The following ADAM19 variants were observed in gnomAD, a reference collection of about 807,000 sequenced individuals.
ADAM19 encodes ADAM metallopeptidase domain 19.
Under a neutral mutation model 114.7 loss-of-function variants are expected in ADAM19, and 65 were observed. The observed-to-expected ratio is 0.57, with a 90% CI of 0.46 to 0.70. The LOEUF is 0.70. Ranked by LOEUF, ADAM19 falls within the 30% of genes least tolerant of loss-of-function variation. The pLI is 0.00. For synonymous variants in ADAM19, 466 were observed against 460.5 expected (o/e 1.01, Z -0.15); for missense variants, 1,063 against 1,204.7 (o/e 0.88, Z 1.74).
At chr5:157,492,929 C>A in intron 16 of ADAM19, 44 bp downstream of exon 16, 1 of 1,605,718 alleles carries the variant, frequency 6.2e-7, no homozygotes, top group South Asian at 1.1e-5. Flanking sequence ...CTCAATCACT[C>A]TGCTCTGCAG....
chr5:157,502,931 T>C lies in ADAM19; in HGVS notation c.1180A>G (p.Arg394Gly). Residue 394 changes from arginine to glycine, a missense_variant, in exon 12 of 23, where the codon AGG becomes GGG. Coordinates refer to ENST00000257527, the MANE Select transcript of ADAM19 (RefSeq NM_033274.5). ...ATTCCACCACCTGACTGCAGATACC[T>C]GTCCAGCTCCCTCCTGTTGCATCCA... ...FNGCNRRELD[R>G]YLQSGGGMCL... 6.2e-7 allele frequency: 1 copy of C among 1,614,212 alleles called. No homozygotes were observed. The highest frequency in any genetic ancestry group is 8.5e-7 in the Non-Finnish European group (1 of 1,180,042).
chr5:157,498,688 G>GTGTATA lies in ADAM19; in HGVS notation c.1398+884_1398+885insTATACA, dbSNP rs143445264. Among the ~76,000 whole-genome samples, 1,428 of 143,864 alleles carry GTGTATA rather than the reference G, an allele frequency of 9.9e-3. 16 individuals are homozygous for GTGTATA. Among genetic ancestry groups the GTGTATA allele is most frequent in the Non-Finnish European group, 0.014 (958 of 66,092 alleles). The allele number at this position is 143,864 out of a possible 152,430, so 94.4% of individuals were successfully genotyped here. A position where few individuals can be genotyped will look rare whatever the true frequency, so the allele number is the denominator to read the frequency against. ...CATATATAATTACACATGTGTGTAT[G>GTGTATA]TATATATATATATATATATATATGG... On this transcript the variant is annotated intron_variant, in intron 13 of 22. Coordinates refer to ENST00000257527, the MANE Select transcript of ADAM19 (RefSeq NM_033274.5).
At chr5:157,532,338 A>C (rs1469247988) in intron 4 of ADAM19, among the ~76,000 whole-genome samples, 1 of 152,204 alleles carries the variant, frequency 6.6e-6, no homozygotes, top group Non-Finnish European at 1.5e-5. Context: ...TATAATTACA[A>C]ACCAAAAGAA....
chr5:157,525,226 G>C (rs1225252963), intron 5 of ADAM19, among the ~76,000 whole-genome samples: 1 of 152,186 alleles, frequency 6.6e-6, no homozygotes, highest in Non-Finnish European at 1.5e-5. Flanking sequence ...GCCTGACACG[G>C]AGGTAGCATT....
chr5:157,500,135 C>T (rs1755513786), intron 12 of ADAM19, among the ~76,000 whole-genome samples: 1 of 152,260 alleles, frequency 6.6e-6, no homozygotes, highest in South Asian at 2.1e-4. Flanking sequence ...CTAATGTGTA[C>T]TTGTCACAAG....
At chr5:157,527,755 C>A (rs1756514922) in intron 5 of ADAM19, among the ~76,000 whole-genome samples, 1 of 152,120 alleles carries the variant, frequency 6.6e-6, no homozygotes, top group African/African-American at 2.4e-5. Context: ...GTAACAACGG[C>A]TGTCTCTAGG....
At chr5:157,504,396 G>A (rs561698493) in intron 11 of ADAM19, among the ~76,000 whole-genome samples, 2 of 152,168 alleles carry the variant, frequency 1.3e-5, no homozygotes, top group East Asian at 1.9e-4. Context: ...GACCACAGGC[G>A]TGCACCACCA....
chr5:157,572,489 T>C (rs889321011), intron 1 of ADAM19, among the ~76,000 whole-genome samples: 1 of 152,188 alleles, frequency 6.6e-6, no homozygotes, highest in African/African-American at 2.4e-5. Context: ...TCATACAGAA[T>C]ATGAATGATA....
chr5:157,514,756 A>G (rs567130260), intron 7 of ADAM19, among the ~76,000 whole-genome samples: 12 of 152,368 alleles, frequency 7.9e-5, no homozygotes, highest in Non-Finnish European at 1.5e-4. Context: ...TCAAAAAGAT[A>G]GATCTCTCTG....
At position 157,478,414 on chromosome 5, in the gene ADAM19, G is replaced by T; in HGVS notation, c.*2535C>A. 2 of 242,462 alleles carry T rather than the reference G, an allele frequency of 8.2e-6. No individual in the cohort carries two copies. The highest frequency in any genetic ancestry group is 1.3e-5 in the Non-Finnish European group (2 of 150,956). The allele number at this position is 242,462 out of a possible 1,614,324, so 15.0% of individuals were successfully genotyped here. A position where few individuals can be genotyped will look rare whatever the true frequency, so the allele number is the denominator to read the frequency against. On this transcript the variant is annotated 3_prime_UTR_variant, in exon 23 of 23. Transcript: ENST00000257527. ...TTTCTGCCTGGGCTTTGAGACGCTTGCAGATCTTGCCATCGGTCGGTCTGA... is the reference window on the plus strand; with the variant it reads ...TTTCTGCCTGGGCTTTGAGACGCTTTCAGATCTTGCCATCGGTCGGTCTGA...
rs1038721408 is a variant in ADAM19 at position 157,477,312 on chromosome 5, C to T, written c.*3637G>A. On this transcript the variant is annotated 3_prime_UTR_variant, in exon 23 of 23. Coordinates refer to ENST00000257527, the MANE Select transcript of ADAM19 (RefSeq NM_033274.5). ...AGAGCTGCCAAACCAGATAACATTG[C>T]AAATGACAAACAATTCATTTTTAAT... The T allele has an allele frequency of 1.0e-6, 1 of 1,000,978 alleles. No individual in the cohort carries two copies. The highest frequency in any genetic ancestry group is 1.2e-6 in the Non-Finnish European group (1 of 838,338). 62.0% of individuals were successfully genotyped at this position (1,000,978 alleles called of 1,614,324 possible).
rs1037650463 is a variant in ADAM19, at chr5:157,509,350, T to G, written c.856A>C (p.Arg286=). 3 of 1,612,902 alleles carry G rather than the reference T, an allele frequency of 1.9e-6. No homozygotes were observed. The highest frequency in any genetic ancestry group is 1.7e-5 in the Admixed American group (1 of 59,910). ...YSTLWSFLSW[R]RKLLAQKYHD... ...TACTTCTGGGCAAGCAGCTTGCGCC[T>G]CCAACTGAGAAAGGACCAGAGGGTA... Residue 286 remains arginine (R), a synonymous_variant, in exon 9 of 23, where the codon AGG becomes CGG. Transcript: ENST00000257527.
At chr5:157,569,997 C>T (rs561698156) in intron 2 of ADAM19, among the ~76,000 whole-genome samples, 4 of 152,310 alleles carry the variant, frequency 2.6e-5, no homozygotes, top group South Asian at 4.1e-4. Flanking sequence ...CAGTGGCTGA[C>T]GCCTGTAATC....
Position 157,481,631 on chromosome 5 carries a change from C to T in ADAM19, c.2703+160G>A, listed in dbSNP as rs779421590. ...ATGAAGCCAAAACTCCACAGTCAAG[C>T]GGGCACCAAGAAACATGAATGTTTT... is the stretch of plus-strand genomic sequence containing the variant. On this transcript the variant is annotated intron_variant, in intron 22 of 22. Coordinates refer to ENST00000257527, the MANE Select transcript of ADAM19 (RefSeq NM_033274.5). 29 of 1,549,510 alleles carry T rather than the reference C, an allele frequency of 1.9e-5. No homozygotes were observed. In the Middle Eastern group the frequency reaches 5.0e-4, roughly 27 times the overall value.
In ADAM19 at chr5:157,497,065, G is replaced by A. The variant is rs756128488; in HGVS notation, c.1423C>T (p.Arg475Cys). The A allele has an allele frequency of 1.6e-5, 25 of 1,538,216 alleles. No individual in the cohort carries two copies. The highest frequency in any genetic ancestry group is 2.0e-5 in the Non-Finnish European group (23 of 1,149,246). Residue 475 changes from arginine (R) to cysteine (C), a missense_variant, in exon 14 of 23, where the codon CGC becomes TGC. Coordinates refer to ENST00000257527, the MANE Select transcript of ADAM19 (RefSeq NM_033274.5). ...AGGTCACACTGCCTGGCCTGCTCGC[G>A]GCACAGGGTCCCAGGAGCCAACAGC... ...CKLLAPGTLC[R>C]EQARQCDLPE... is the part of the protein sequence containing the mutation.
In ADAM19 at chr5:157,513,483, T is replaced by C. The variant is rs372492165; in HGVS notation, c.689A>G (p.Gln230Arg). Residue 230 changes from glutamine to arginine, a missense_variant, in exon 8 of 23, where the codon CAG becomes CGG. By Grantham distance (43) the Gln-to-Arg change is conservative (BLOSUM62 1). Coordinates refer to ENST00000257527, the MANE Select transcript of ADAM19 (RefSeq NM_033274.5). Reference protein sequence around the residue: ...YLEFQKNRRDQDATKHKLIEI... With the variant: ...YLEFQKNRRDRDATKHKLIEI... ...TATGAGCTTGTGTTTGGTGGCGTCCTGGTCTCGTCGATTCTTCTGAAACTA... is the reference window on the plus strand; with the variant it reads ...TATGAGCTTGTGTTTGGTGGCGTCCCGGTCTCGTCGATTCTTCTGAAACTA... 14 of 1,613,966 alleles carry C rather than the reference T, an allele frequency of 8.7e-6. No individual in the cohort carries two copies. The highest frequency in any genetic ancestry group is 1.2e-5 in the Non-Finnish European group (14 of 1,179,946).
At chr5:157,539,318 A>G (rs1280471254) in intron 3 of ADAM19, among the ~76,000 whole-genome samples, 1 of 152,220 alleles carries the variant, frequency 6.6e-6, no homozygotes, top group Non-Finnish European at 1.5e-5. Context: ...TTTTAATTTA[A>G]AACTGCTCTT....
At chr5:157,524,236 C>T (rs1257478394) in intron 5 of ADAM19, among the ~76,000 whole-genome samples, 2 of 152,258 alleles carry the variant, frequency 1.3e-5, no homozygotes, top group Non-Finnish European at 1.5e-5. Context: ...ATCTAATTTG[C>T]TGAATGTTAG....
Position 157,480,688 on chromosome 5 carries a change from C to T in ADAM19, c.*261G>A, listed in dbSNP as rs1754719305. 2.3e-6 allele frequency: 3 copies of T among 1,293,362 alleles called. No individual in the cohort carries two copies. The highest frequency in any genetic ancestry group is 3.0e-6 in the Non-Finnish European group (3 of 1,016,810). 80.1% of individuals were successfully genotyped at this position (1,293,362 alleles called of 1,614,324 possible). A position where few individuals can be genotyped will look rare whatever the true frequency, so the allele number is the denominator to read the frequency against. On this transcript the variant is annotated 3_prime_UTR_variant, in exon 23 of 23. Coordinates refer to ENST00000257527, the MANE Select transcript of ADAM19 (RefSeq NM_033274.5). ...GGAGGAGAAGCTGCCAGTCACCCTC[C>T]TCATACTCTCCCCTCCCTACCTGGG...
Sources: gnomAD v4.1 joint callset for allele counts (sites outside exome capture counted in the v4.1 genomes callset) on GRCh38, gnomAD v4.1.1 for gene constraint, MANE v1.5 for transcripts, NCBI Gene and HGNC (gene_info 2026-07-23, HGNC 2026-07-21) for gene names.